The following ZNF665 variants were observed in gnomAD, a reference collection of about 807,000 sequenced individuals.
The protein encoded by ZNF665 is zinc finger protein 665.
Under a neutral mutation model 7.9 loss-of-function variants are expected in ZNF665, and 6 were observed. The ratio of observed to expected loss-of-function variants is 0.76; its 90% confidence interval spans 0.42 to 1.50. ZNF665 has a LOEUF of 1.50. Ranked by LOEUF, ZNF665 falls within the 40% of genes most tolerant of loss-of-function variation. The probability of loss-of-function intolerance (pLI) is 0.01; values close to 1 mark genes in which losing one functional copy is unlikely to be tolerated. For missense variants in ZNF665, 819 were observed against 806.7 expected (o/e 1.02, Z -0.18); for synonymous variants, 242 against 274.5 (o/e 0.88, Z 1.17).
At chr19:53,179,441 A>C (rs961692953) in intron 2 of ZNF665, 1 of 144,562 alleles carries the variant, frequency 6.9e-6, no homozygotes, top group Non-Finnish European at 1.5e-5. Context: ...ATGTAAATTT[A>C]TTTCTTTTTT....
At chr19:53,173,525 C>T (rs2090674736) in intron 3 of ZNF665, among the ~76,000 whole-genome samples, 1 of 151,836 alleles carries the variant, frequency 6.6e-6, no homozygotes, top group Non-Finnish European at 1.5e-5. Flanking sequence ...CAGGTGTGCA[C>T]CACCATGCCT....
chr19:53,167,218 C>T (rs1233523017), intron 3 of ZNF665, among the ~76,000 whole-genome samples: 8 of 152,008 alleles, frequency 5.3e-5, no homozygotes, highest in Admixed American at 5.2e-4. Flanking sequence ...TCAGGCTGGT[C>T]TCGAACTCCC....
chr19:53,182,261 C>G (rs990905972), intron 2 of ZNF665: 1 of 164,862 alleles, frequency 6.1e-6, no homozygotes, highest in Non-Finnish European at 1.3e-5. Context: ...GTCCCAGCTA[C>G]GCAGGGGGCC....
intron 1 of ZNF665, among the ~76,000 whole-genome samples, chr19:53,189,852 T>G (rs12982424): frequency 0.21 from 31,649 of 151,824 alleles, 3,593 homozygotes; most frequent in South Asian, 0.35. Flanking sequence ...TAGACCACGG[T>G]CCGCCTGGCA....
chr19:53,181,635 G>C (rs936689416), intron 2 of ZNF665: 1 of 152,112 alleles, frequency 6.6e-6, no homozygotes, highest in Non-Finnish European at 1.5e-5. Context: ...TTCTTTAGCA[G>C]CTCTCATTAG....
intron 2 of ZNF665, chr19:53,182,413 G>A: frequency 2.4e-6 from 1 of 420,544 alleles, no homozygotes; most frequent in Admixed American, 3.8e-5. Context: ...CAGAAACACA[G>A]TGACTCACTT....
In ZNF665 at chr19:53,192,550, T is replaced by C. The variant is rs570891343; in HGVS notation, c.-46+762A>G. Among the ~76,000 whole-genome samples the C allele has an allele frequency of 7.9e-5, 12 of 152,328 alleles. No individual in the cohort carries two copies. The East Asian group carries it at 1.4e-3, about 17-fold the overall frequency. ...TTCTTTCACCCTTACTGTCTCTTTG[T>C]AAATCCTGACCCATCCTCTACTTTG... On this transcript the variant is annotated intron_variant, in intron 1 of 3. Transcript: ENST00000396424.
At position 53,188,862 on chromosome 19, in the gene ZNF665, T is replaced by C. The variant is rs566648557; in HGVS notation, c.-46+4450A>G. 6.6e-5 allele frequency among the ~76,000 whole-genome samples: 10 copies of C among 151,970 alleles called. No homozygotes were observed. The East Asian group carries it at 1.9e-3, about 29-fold the overall frequency. On this transcript the variant is annotated intron_variant, in intron 1 of 3. Transcript: ENST00000396424. ...AAAAGTGCACATCACCACGGCCAGC[T>C]AATTTTTGTATTTTTAGTAGAGAAG...
intron 2 of ZNF665, among the ~76,000 whole-genome samples, chr19:53,180,319 GCTA>G (rs2090728951): frequency 6.6e-6 from 1 of 151,898 alleles, no homozygotes; most frequent in African/African-American, 2.4e-5. Flanking sequence ...TGTAATCCCA[GCTA>G]CTCGGGAGGC....
chr19:53,182,746 G>C, intron 2 of ZNF665, 138 bp downstream of exon 2: 1 of 1,399,630 alleles, frequency 7.1e-7, no homozygotes, highest in Non-Finnish European at 1.0e-6. Flanking sequence ...GAGATGAGAG[G>C]GACTGAGGGA....
At position 53,163,377 on chromosome 19, in the gene ZNF665, G is replaced by A. The variant is rs1289650652; in HGVS notation, c.*1076C>T. 1 of 152,208 alleles carries A rather than the reference G, an allele frequency of 6.6e-6. No homozygotes were observed. The highest frequency in any genetic ancestry group is 1.5e-5 in the Non-Finnish European group (1 of 68,060). The allele number at this position is 152,208 out of a possible 1,614,324, so 9.4% of individuals were successfully genotyped here. ...TACCCACAGTGCTCTTCTGTCAGAA[G>A]AAGGGCACCTGCAGTGCAATAAGGA... On this transcript the variant is annotated 3_prime_UTR_variant, in exon 4 of 4. Coordinates refer to ENST00000396424, the MANE Select transcript of ZNF665 (RefSeq NM_024733.5).
At position 53,166,003 on chromosome 19, in the gene ZNF665, C is replaced by A. The variant is rs1355538833; in HGVS notation, c.487G>T (p.Glu163Ter). 1.2e-6 allele frequency: 2 copies of A among 1,613,852 alleles called. No individual in the cohort carries two copies. The highest frequency in any genetic ancestry group is 2.7e-5 in the African/African-American group (2 of 75,030). ...QQFQHEGKIY[E>*]YNQVEKSPNN... ...GGAGACTTCTCAACTTGATTGTATT[C>A]ATAAATTTTCCCTTCATGTTGAAAT... Residue 163 changes from glutamate (E) to a stop codon, truncating the protein, a stop_gained, in exon 4 of 4, where the codon GAA becomes TAA. Coordinates refer to ENST00000396424, the MANE Select transcript of ZNF665 (RefSeq NM_024733.5). LOFTEE classifies it low-confidence loss of function (END_TRUNC).
At chr19:53,182,266 G>C in intron 2 of ZNF665, 1 of 169,954 alleles carries the variant, frequency 5.9e-6, no homozygotes, top group Non-Finnish European at 1.3e-5. Flanking sequence ...AGCTACGCAG[G>C]GGGCCATGGC....
rs750119025 is a variant in ZNF665 at position 53,165,315 on chromosome 19, T to G, written c.1175A>C (p.His392Pro). 17 of 1,613,494 alleles carry G rather than the reference T, an allele frequency of 1.1e-5. No individual in the cohort carries two copies. The highest frequency in any genetic ancestry group is 1.4e-5 in the Non-Finnish European group (16 of 1,179,620). Residue 392 changes from histidine to proline, a missense_variant, in exon 4 of 4, where the codon CAT becomes CCT. Physicochemically the swap from His to Pro is moderately conservative, Grantham distance 77 (BLOSUM62 -2). Transcript: ENST00000396424. The part of the protein sequence containing the change: ...AFSMHSNLTK[H>P]QIIHTGEKPF... ...CTTTTCTCCGGTATGGATGATCTGA[T>G]GCTTAGTTAAGTTTGAATGCATACT...
chr19:53,170,361 C>T (rs928164628), intron 3 of ZNF665, among the ~76,000 whole-genome samples: 10 of 152,126 alleles, frequency 6.6e-5, no homozygotes, highest in East Asian at 1.9e-4. Flanking sequence ...GATGGAATCA[C>T]GCTTATTACC....
chr19:53,169,653 G>A (rs2090642179), intron 3 of ZNF665, among the ~76,000 whole-genome samples: 1 of 151,962 alleles, frequency 6.6e-6, no homozygotes, highest in Admixed American at 6.6e-5. Flanking sequence ...TTTAGCATTA[G>A]GTGTATCTCC....
chr19:53,179,455 T>C (rs958887262), intron 2 of ZNF665: 2 of 142,546 alleles, frequency 1.4e-5, no homozygotes, highest in Non-Finnish European at 3.0e-5. Flanking sequence ...CTTTTTTTTG[T>C]TTTTTTTTTT....
rs1202454852 is a variant in ZNF665 at position 53,175,659 on chromosome 19, A to AGGTT, written c.16-92_16-89dup. On this transcript the variant is annotated intron_variant, in intron 2 of 3. Transcript: ENST00000396424. ...AAGAAGAGGAGAGAGCTGTAAGAAT[A>AGGTT]GGTTCAATTCACGTAAGCAGACTGA... 13 of 1,474,082 alleles carry AGGTT rather than the reference A, an allele frequency of 8.8e-6. No homozygotes were observed. In the African/African-American group the frequency reaches 1.8e-4, roughly 21 times the overall value. 91.3% of individuals were successfully genotyped at this position (1,474,082 alleles called of 1,614,324 possible). A position where few individuals can be genotyped will look rare whatever the true frequency, so the allele number is the denominator to read the frequency against.
chr19:53,171,504 G>GTGTGTA (rs140482885), intron 3 of ZNF665, among the ~76,000 whole-genome samples: 2 of 57,772 alleles, frequency 3.5e-5, no homozygotes, highest in African/African-American at 5.4e-5. Flanking sequence ...GTGTGTGTGT[G>GTGTGTA]TATATATATA....
Sources: allele counts gnomAD v4.1 joint callset (sites outside exome capture counted in the v4.1 genomes callset), GRCh38; gene constraint gnomAD v4.1.1; transcripts MANE v1.5; gene names NCBI Gene and HGNC (gene_info 2026-07-23, HGNC 2026-07-21).